Variants in EYS observed in about 807,000 individuals in gnomAD.
EYS encodes EGF-like photoreceptor maintenance factor, also known as protein eyes shut homolog.
In EYS, 250 loss-of-function variants were observed where a neutral mutation model predicts 282.1. The observed-to-expected ratio is 0.89, with a 90% CI of 0.80 to 0.98. EYS has a LOEUF of 0.98. Ranked by LOEUF, EYS falls within the 50% of genes least tolerant of loss-of-function variation. The probability of loss-of-function intolerance (pLI) is 0.00; values close to 1 mark genes in which losing one functional copy is unlikely to be tolerated. For synonymous variants in EYS, 1,355 were observed against 1,282.9 expected (o/e 1.06, Z -1.20); for missense variants, 4,016 against 3,709.0 (o/e 1.08, Z -2.15).
chr6:64,286,019 T>C lies in EYS; in HGVS notation c.6191+20951A>G, dbSNP rs142375796. 2.4e-3 allele frequency among the ~76,000 whole-genome samples: 362 copies of C among 152,274 alleles called. 3 individuals carry two copies. Among genetic ancestry groups the C allele is most frequent in the African/African-American group, 8.1e-3 (338 of 41,564 alleles). On this transcript the variant is annotated intron_variant, in intron 30 of 42. Coordinates refer to ENST00000503581, the MANE Select transcript of EYS (RefSeq NM_001142800.2). ...CTTTCTCATCTGTAAAATGGACAAATAGGATATGCCACATATGTTATATTA... is the reference window on the plus strand; with the variant it reads ...CTTTCTCATCTGTAAAATGGACAAACAGGATATGCCACATATGTTATATTA...
chr6:65,207,631 T>A (rs947015953), intron 12 of EYS, among the ~76,000 whole-genome samples: 1 of 151,722 alleles, frequency 6.6e-6, no homozygotes, highest in African/African-American at 2.4e-5. Flanking sequence ...TAACACATAC[T>A]ACAAGGGTAT....
intron 22 of EYS, among the ~76,000 whole-genome samples, chr6:64,705,203 A>G (rs1770962536): frequency 6.6e-6 from 1 of 152,168 alleles, no homozygotes; most frequent in African/African-American, 2.4e-5. Context: ...CTGAGAATCA[A>G]ATTAAGAACT....
At chr6:65,550,146 T>TCTGATCAGGGAGAAACCTCAAGGCAAAA (rs1562254245) in intron 2 of EYS, among the ~76,000 whole-genome samples, 1 of 47,856 alleles carries the variant, frequency 2.1e-5, no homozygotes, top group Non-Finnish European at 3.9e-5. Context: ...ACTATATCTT[T>TCTGATCAGGGAGAAACCTCAAGGCAAAA]TTTTTTTTTT....
intron 12 of EYS, among the ~76,000 whole-genome samples, chr6:65,221,412 TA>T (rs1766461753): frequency 6.6e-6 from 1 of 152,148 alleles, no homozygotes; most frequent in African/African-American, 2.4e-5. Context: ...CAGGTGTGGC[TA>T]AAAGGGGGCA....
intron 14 of EYS, among the ~76,000 whole-genome samples, chr6:64,953,522 G>A (rs1769585156): frequency 6.6e-6 from 1 of 151,628 alleles, no homozygotes; most frequent in South Asian, 2.1e-4. Flanking sequence ...AGACACAAAG[G>A]TTTCCAAATA....
intron 36 of EYS, among the ~76,000 whole-genome samples, chr6:63,859,075 GTTTTTTTTTTTTTTTTT>G (rs745344580): frequency 1.1e-3 from 53 of 47,936 alleles, no homozygotes; most frequent in Admixed American, 1.5e-3. Context: ...GTCCTAGAGA[GTTTTTTTTTTTTTTTTT>G]TTTTTTTTTT....
At chr6:65,371,292 GA>G (rs1765131601) in intron 8 of EYS, among the ~76,000 whole-genome samples, 1 of 151,684 alleles carries the variant, frequency 6.6e-6, no homozygotes, top group African/African-American at 2.4e-5. Context: ...CTGGTTATAT[GA>G]AAACACTATG....
At chr6:64,703,715 T>G (rs2149926809) in intron 22 of EYS, among the ~76,000 whole-genome samples, 1 of 152,070 alleles carries the variant, frequency 6.6e-6, no homozygotes, top group African/African-American at 2.4e-5. Context: ...TTTAAATATA[T>G]AATCTCACCA....
intron 31 of EYS, among the ~76,000 whole-genome samples, chr6:64,185,745 C>G (rs1764918132): frequency 6.6e-6 from 1 of 152,074 alleles, no homozygotes; most frequent in Non-Finnish European, 1.5e-5. Context: ...ACTTTATGGT[C>G]AATATCAGAT....
chr6:65,698,544 A>G (rs1769541607), intron 1 of EYS, among the ~76,000 whole-genome samples: 2 of 152,196 alleles, frequency 1.3e-5, no homozygotes, highest in African/African-American at 4.8e-5. Context: ...GAATGCATCT[A>G]GAAATTGTAT....
rs1279853265 is a variant in EYS, at chr6:65,495,602, A to G, written c.-192T>C. On this transcript the variant is annotated 5_prime_UTR_variant, in exon 4 of 43. Transcript: ENST00000503581. ...AGAAACAGGAATTCAAATGTTGTAA[A>G]TATTCCTTTAAACAGAAAAAAACAT... is the stretch of plus-strand genomic sequence containing the variant. 1.6e-6 allele frequency: 1 copy of G among 618,088 alleles called. No homozygotes were observed. Among genetic ancestry groups the G allele is most frequent in the East Asian group, 2.7e-5 (1 of 36,586 alleles). 38.3% of individuals were successfully genotyped at this position (618,088 alleles called of 1,614,324 possible). A position where few individuals can be genotyped will look rare whatever the true frequency, so the allele number is the denominator to read the frequency against.
intron 12 of EYS, among the ~76,000 whole-genome samples, chr6:65,058,075 TA>T (rs913318933): frequency 6.6e-6 from 1 of 152,062 alleles, no homozygotes; most frequent in Admixed American, 6.6e-5. Context: ...TGAAAGGAAA[TA>T]AAAAAGGAAC....
chr6:65,055,967 T>G lies in EYS; in HGVS notation c.2137+1647A>C, dbSNP rs115204365. On this transcript the variant is annotated intron_variant, in intron 13 of 42. Coordinates refer to ENST00000503581, the MANE Select transcript of EYS (RefSeq NM_001142800.2). ...GCCAGTCACTATCTGCTGTCCAAAT[T>G]TAAGGGATGGGGAGTTTTGTTCCAC... Among the ~76,000 whole-genome samples the G allele has an allele frequency of 4.6e-3, 699 of 152,122 alleles. 5 individuals are homozygous for G. The highest frequency in any genetic ancestry group is 6.9e-3 in the Non-Finnish European group (469 of 67,964).
intron 31 of EYS, among the ~76,000 whole-genome samples, chr6:64,110,371 G>A (rs1018832023): frequency 2.0e-5 from 3 of 151,810 alleles, no homozygotes; most frequent in Admixed American, 6.6e-5. Context: ...CAGATTTCTC[G>A]CATTAGGCAC....
intron 31 of EYS, among the ~76,000 whole-genome samples, chr6:64,180,335 G>A (rs1764753579): frequency 1.3e-5 from 2 of 152,086 alleles, no homozygotes; most frequent in Non-Finnish European, 2.9e-5. Context: ...AACACCTAAA[G>A]CCAAAGTTAT....
chr6:65,088,879 G>C (rs762357238), intron 12 of EYS, among the ~76,000 whole-genome samples: 12 of 152,096 alleles, frequency 7.9e-5, no homozygotes, highest in African/African-American at 1.4e-4. Context: ...AGTCCCAGCT[G>C]CTTCAGCTCC....
Position 63,845,484 on chromosome 6 carries a change from C to T in EYS, c.7228+18702G>A, listed in dbSNP as rs145879400. ...GGCATGCAGATGTTAAAGGAATAAA[C>T]CGCAGCACCACACTGCCCTTTACTC... On this transcript the variant is annotated intron_variant, in intron 36 of 42. Coordinates refer to ENST00000503581, the MANE Select transcript of EYS (RefSeq NM_001142800.2). 4.1e-3 allele frequency among the ~76,000 whole-genome samples: 626 copies of T among 151,426 alleles called. 1 individual carries two copies. Among genetic ancestry groups the T allele is most frequent in the Middle Eastern group, 0.028 (8 of 290 alleles).
At chr6:65,028,672 G>A (rs1280583123) in intron 13 of EYS, among the ~76,000 whole-genome samples, 1 of 152,026 alleles carries the variant, frequency 6.6e-6, no homozygotes, top group Non-Finnish European at 1.5e-5. Context: ...GTTATCCTCA[G>A]TGCATATCAG....
intron 30 of EYS, among the ~76,000 whole-genome samples, chr6:64,293,253 T>C (rs1768779959): frequency 6.6e-6 from 1 of 152,094 alleles, no homozygotes; most frequent in South Asian, 2.1e-4. Context: ...TTAAAATGAA[T>C]GTTTGCTTAA....
Sources: allele counts gnomAD v4.1 joint callset (sites outside exome capture counted in the v4.1 genomes callset), GRCh38; gene constraint gnomAD v4.1.1; transcripts MANE v1.5; gene names NCBI Gene and HGNC (gene_info 2026-07-23, HGNC 2026-07-21).